LZTS1: variants seen among roughly 807,000 people sequenced by gnomAD.
LZTS1 encodes leucine zipper tumor suppressor 1, also known as leucine zipper putative tumor suppressor 1.
In LZTS1, 31 loss-of-function variants were observed where a neutral mutation model predicts 45.8. The ratio of observed to expected loss-of-function variants is 0.68; its 90% CI spans 0.51 to 0.91. LZTS1 has a LOEUF of 0.91. LZTS1 is among the 40% of genes least tolerant of loss of function. The probability of loss-of-function intolerance (pLI) is 0.00; values close to 1 mark genes in which losing one functional copy is unlikely to be tolerated. For synonymous variants in LZTS1, 359 were observed against 357.3 expected, an observed-to-expected ratio of 1.00 and a Z score of -0.05; for missense variants, 821 against 788.9, an observed-to-expected ratio of 1.04 and a Z score of -0.49.
intron 1 of LZTS1, among the ~76,000 whole-genome samples, chr8:20,294,766 G>A (rs1420488637): frequency 6.6e-6 from 1 of 151,960 alleles, no homozygotes; most frequent in Non-Finnish European, 1.5e-5. Context: ...CCCTGAGTGT[G>A]TAGATTGTCC....
chr8:20,289,542 A>G (rs893173844), intron 1 of LZTS1, among the ~76,000 whole-genome samples: 1 of 152,122 alleles, frequency 6.6e-6, no homozygotes, highest in Non-Finnish European at 1.5e-5. Flanking sequence ...TGGTCCCTCA[A>G]CTGCTCCAGG....
chr8:20,256,693 C>T (rs1259264249), intron 1 of LZTS1, among the ~76,000 whole-genome samples: 2 of 152,032 alleles, frequency 1.3e-5, no homozygotes, highest in African/African-American at 2.4e-5. Context: ...AGGGAGTGAG[C>T]GAAAGAGAGG....
intron 1 of LZTS1, among the ~76,000 whole-genome samples, chr8:20,296,881 G>A (rs117044007): frequency 6.6e-6 from 1 of 152,186 alleles, no homozygotes; most frequent in Admixed American, 6.5e-5. Context: ...CATCACATCT[G>A]TTCAGACACC....
intron 1 of LZTS1, chr8:20,289,252 G>T (rs954876705): frequency 1.3e-5 from 2 of 151,996 alleles, no homozygotes; most frequent in African/African-American, 4.8e-5. Context: ...CTAACCAACG[G>T]ACAAAAAATT....
rs928451391 is a variant in LZTS1, at chr8:20,303,816, T to C, written c.-211A>G. ...TCCCGGTGTGTTCCCGTCTCTCTTT[T>C]TCCAGAGCTGCTGAGCGGGCCGGGC... On this transcript the variant is annotated 5_prime_UTR_variant, in exon 1 of 4. Transcript: ENST00000381569. 290 of 983,708 alleles carry C rather than the reference T, an allele frequency of 2.9e-4. No individual in the cohort carries two copies. The highest frequency in any genetic ancestry group is 3.4e-4 in the Non-Finnish European group (283 of 829,538). The allele number at this position is 983,708 out of a possible 1,614,324, so 60.9% of individuals were successfully genotyped here.
intron 1 of LZTS1, among the ~76,000 whole-genome samples, chr8:20,280,378 C>A (rs1800663692): frequency 6.6e-6 from 1 of 152,190 alleles, no homozygotes; most frequent in African/African-American, 2.4e-5. Flanking sequence ...TGGCAGTCTT[C>A]TTCAGAGTTC....
In LZTS1 at chr8:20,251,112, TATATATATA is replaced by T. The variant is rs1322333079; in HGVS notation, c.1150-758_1150-750del. 2.5e-4 allele frequency among the ~76,000 whole-genome samples: 22 copies of T among 88,750 alleles called. 1 individual carries two copies. Among genetic ancestry groups the T allele is most frequent in the African/African-American group, 9.9e-4 (22 of 22,118 alleles). 58.2% of individuals were successfully genotyped at this position (88,750 alleles called of 152,430 possible). On this transcript the variant is annotated intron_variant, in intron 3 of 3. Transcript: ENST00000381569. Reference sequence around the variant, plus strand: ...GCCTGAGGGCTAATATATATATATATATATATATATATATATATATATATATATATATAT... The same window carrying T: ...GCCTGAGGGCTAATATATATATATATTATATATATATATATATATATATAT...
chr8:20,264,392 G>A (rs1409006479), intron 1 of LZTS1, among the ~76,000 whole-genome samples: 1 of 152,196 alleles, frequency 6.6e-6, no homozygotes, highest in African/African-American at 2.4e-5. Context: ...GGGGGTCTCA[G>A]AAGCTGTCAG....
chr8:20,285,849 A>G (rs1800783750), intron 1 of LZTS1, among the ~76,000 whole-genome samples: 1 of 152,256 alleles, frequency 6.6e-6, no homozygotes. Context: ...GGAACCAAAT[A>G]GAATTCAGAA....
At position 20,281,761 on chromosome 8, in the gene LZTS1, C is replaced by T. The variant is rs191258137; in HGVS notation, c.-135+21979G>A. Reference sequence around the variant, plus strand: ...TGGATAAAAGCTTCCTGAGACCTCACCAGAGCTGAGCAGATGCTGGGGCCA... The same window carrying T: ...TGGATAAAAGCTTCCTGAGACCTCATCAGAGCTGAGCAGATGCTGGGGCCA... On this transcript the variant is annotated intron_variant, in intron 1 of 3. Coordinates refer to ENST00000381569, the MANE Select transcript of LZTS1 (RefSeq NM_021020.5). Among the ~76,000 whole-genome samples the T allele has an allele frequency of 2.8e-3, 426 of 152,328 alleles. 1 individual carries two copies. Among genetic ancestry groups the T allele is most frequent in the African/African-American group, 9.2e-3 (384 of 41,580 alleles).
chr8:20,275,160 G>C (rs1800553773), intron 1 of LZTS1, among the ~76,000 whole-genome samples: 1 of 152,174 alleles, frequency 6.6e-6, no homozygotes, highest in South Asian at 2.1e-4. Flanking sequence ...CCAGTACTTT[G>C]GGAGACTGAG....
intron 1 of LZTS1, among the ~76,000 whole-genome samples, chr8:20,302,498 C>T (rs1337921032): frequency 6.6e-6 from 1 of 152,210 alleles, no homozygotes; most frequent in African/African-American, 2.4e-5. Context: ...TGCCGGTACC[C>T]GCAGACTCTT....
At chr8:20,270,428 C>G (rs1215650825) in intron 1 of LZTS1, among the ~76,000 whole-genome samples, 1 of 152,246 alleles carries the variant, frequency 6.6e-6, no homozygotes, top group Non-Finnish European at 1.5e-5. Context: ...CATCAGCCAT[C>G]AACAGCAGCT....
intron 1 of LZTS1, among the ~76,000 whole-genome samples, chr8:20,276,089 G>A (rs1042299990): frequency 6.6e-6 from 1 of 152,142 alleles, no homozygotes; most frequent in Non-Finnish European, 1.5e-5. Context: ...AAATGTTTAA[G>A]AGGCCTATAG....
chr8:20,280,775 A>G (rs1800674024), intron 1 of LZTS1, among the ~76,000 whole-genome samples: 1 of 152,104 alleles, frequency 6.6e-6, no homozygotes, highest in South Asian at 2.1e-4. Flanking sequence ...TCCTCCTCCC[A>G]TCCTTCCTCC....
intron 1 of LZTS1, among the ~76,000 whole-genome samples, chr8:20,264,527 A>G (rs944797445): frequency 6.6e-6 from 1 of 152,096 alleles, no homozygotes; most frequent in African/African-American, 2.4e-5. Flanking sequence ...TGGCTGTGTT[A>G]CCCTGGGGGA....
chr8:20,263,750 C>CT (rs1297590101), intron 1 of LZTS1, among the ~76,000 whole-genome samples: 3 of 152,158 alleles, frequency 2.0e-5, no homozygotes, highest in Admixed American at 6.5e-5. Context: ...AAGAAGGGGT[C>CT]TGGGTGGTCA....
At chr8:20,275,228 C>A (rs2128896499) in intron 1 of LZTS1, among the ~76,000 whole-genome samples, 1 of 151,880 alleles carries the variant, frequency 6.6e-6, no homozygotes, top group South Asian at 2.1e-4. Context: ...ATGGTGAAAC[C>A]CCATCTCTAC....
chr8:20,295,385 T>A (rs1800963596), intron 1 of LZTS1, among the ~76,000 whole-genome samples: 1 of 152,240 alleles, frequency 6.6e-6, no homozygotes, highest in Non-Finnish European at 1.5e-5. Context: ...GACCAAGCCC[T>A]GTAGATTCCC....
Sources: gnomAD v4.1 joint callset for allele counts (sites outside exome capture counted in the v4.1 genomes callset) on GRCh38, gnomAD v4.1.1 for gene constraint, MANE v1.5 for transcripts, NCBI Gene and HGNC (gene_info 2026-07-23, HGNC 2026-07-21) for gene names.